CAMK2D: variants seen among roughly 807,000 people sequenced by gnomAD.
CAMK2D encodes calcium/calmodulin-dependent protein kinase type II subunit delta.
In CAMK2D, 37 loss-of-function variants were observed where a neutral mutation model predicts 84.0. The observed-to-expected ratio is 0.44, with a 90% CI of 0.34 to 0.58. The LOEUF is 0.58. CAMK2D is among the 20% of genes least tolerant of loss of function. The pLI is 0.02. For synonymous variants in CAMK2D, 202 were observed against 212.5 expected, an observed-to-expected ratio of 0.95 and a Z score of 0.43; for missense variants, 448 against 652.5, an observed-to-expected ratio of 0.69 and a Z score of 3.41.
intron 2 of CAMK2D, among the ~76,000 whole-genome samples, chr4:113,667,127 T>C (rs1208849638): frequency 2.0e-5 from 3 of 152,194 alleles, no homozygotes; most frequent in African/African-American, 4.8e-5. Context: ...GGGAAGATAA[T>C]ACTAAATGTA....
At chr4:113,512,580 T>C (rs909860660) in intron 12 of CAMK2D, among the ~76,000 whole-genome samples, 1 of 152,166 alleles carries the variant, frequency 6.6e-6, no homozygotes, top group Non-Finnish European at 1.5e-5. Context: ...TCTTCCCTTT[T>C]TTTTGTTTTT....
intron 4 of CAMK2D, among the ~76,000 whole-genome samples, chr4:113,603,803 T>TATATATATATATATATATATATA (rs1561291454): frequency 2.0e-5 from 2 of 100,098 alleles, no homozygotes; most frequent in African/African-American, 9.4e-5. Context: ...ATATATATAT[T>TATATATATATATATATATATATA]TAAAACAGTA....
chr4:113,639,807 A>G (rs2099124983), intron 3 of CAMK2D, among the ~76,000 whole-genome samples: 1 of 151,954 alleles, frequency 6.6e-6, no homozygotes, highest in Non-Finnish European at 1.5e-5. Flanking sequence ...CAAAATATAA[A>G]GGACTTTGCA....
At chr4:113,514,136 C>T (rs2098253639) in intron 10 of CAMK2D, among the ~76,000 whole-genome samples, 2 of 152,148 alleles carry the variant, frequency 1.3e-5, no homozygotes, top group Admixed American at 6.5e-5. Context: ...AGAAATGGGC[C>T]GGGCGCGGTG....
chr4:113,469,897 T>C (rs2154116753), intron 16 of CAMK2D, among the ~76,000 whole-genome samples: 1 of 152,314 alleles, frequency 6.6e-6, no homozygotes, highest in Admixed American at 6.5e-5. Context: ...CCACTCTCTC[T>C]GGGTATAAGC....
chr4:113,532,370 G>A (rs896784142), intron 7 of CAMK2D, among the ~76,000 whole-genome samples: 8 of 152,140 alleles, frequency 5.3e-5, no homozygotes, highest in Non-Finnish European at 1.0e-4. Flanking sequence ...AGACCTGTAT[G>A]TTGCAATTTA....
intron 4 of CAMK2D, 67 bp from the exon 5 acceptor site, chr4:113,552,163 C>T: frequency 1.2e-6 from 1 of 831,458 alleles, no homozygotes. Flanking sequence ...AATAGATTTG[C>T]AAATGTGTTC....
chr4:113,591,124 C>T (rs1162644847), intron 4 of CAMK2D, among the ~76,000 whole-genome samples: 1 of 151,730 alleles, frequency 6.6e-6, no homozygotes, highest in Non-Finnish European at 1.5e-5. Flanking sequence ...TTCCTGGGAC[C>T]TATTGCCATT....
intron 13 of CAMK2D, among the ~76,000 whole-genome samples, chr4:113,507,251 C>CTT (rs35488611): frequency 6.9e-6 from 1 of 145,480 alleles, no homozygotes; most frequent in Non-Finnish European, 1.5e-5. Flanking sequence ...CCACAAATGT[C>CTT]TTTTTTTTTT....
intron 8 of CAMK2D, among the ~76,000 whole-genome samples, chr4:113,518,121 G>A (rs921756958): frequency 6.6e-6 from 1 of 152,116 alleles, no homozygotes; most frequent in Non-Finnish European, 1.5e-5. Flanking sequence ...ATAAATCCAC[G>A]TTCTAAATAA....
At chr4:113,473,089 T>C (rs1415218921) in intron 16 of CAMK2D, among the ~76,000 whole-genome samples, 1 of 152,216 alleles carries the variant, frequency 6.6e-6, no homozygotes, top group African/African-American at 2.4e-5. Context: ...TATTTTGAAA[T>C]CATAAACTTA....
At chr4:113,656,937 G>A (rs999203825) in intron 3 of CAMK2D, among the ~76,000 whole-genome samples, 13 of 152,054 alleles carry the variant, frequency 8.5e-5, no homozygotes, top group Non-Finnish European at 1.9e-4. Flanking sequence ...AGAATCCTAC[G>A]AAGTGATTTC....
intron 2 of CAMK2D, among the ~76,000 whole-genome samples, chr4:113,733,780 C>A (rs375164388): frequency 7.9e-5 from 12 of 152,238 alleles, no homozygotes; most frequent in African/African-American, 2.9e-4. Context: ...ACATAAATGG[C>A]AGTTTCTTCA....
chr4:113,513,714 GA>G (rs1410972567), intron 11 of CAMK2D, 115 bp downstream of exon 11: 1 of 615,322 alleles, frequency 1.6e-6, no homozygotes, highest in East Asian at 2.8e-5. Flanking sequence ...AAAGAATAAT[GA>G]GAGTATTGAG....
intron 2 of CAMK2D, among the ~76,000 whole-genome samples, chr4:113,752,831 T>G (rs746861403): frequency 1.3e-5 from 2 of 152,146 alleles, no homozygotes; most frequent in African/African-American, 2.4e-5. Flanking sequence ...GATCTTGTTA[T>G]AGTAGCATTT....
At chr4:113,565,464 C>T (rs1309855148) in intron 4 of CAMK2D, among the ~76,000 whole-genome samples, 2 of 151,826 alleles carry the variant, frequency 1.3e-5, no homozygotes, top group Non-Finnish European at 2.9e-5. Flanking sequence ...CAGCCTGGCC[C>T]ACATGGTGAA....
intron 3 of CAMK2D, among the ~76,000 whole-genome samples, chr4:113,633,231 T>C (rs932384807): frequency 6.6e-6 from 1 of 152,240 alleles, no homozygotes; most frequent in Non-Finnish European, 1.5e-5. Context: ...TATCTATCTC[T>C]GCCATTTTTA....
At chr4:113,617,960 A>C (rs868492222) in intron 3 of CAMK2D, among the ~76,000 whole-genome samples, 1 of 151,952 alleles carries the variant, frequency 6.6e-6, no homozygotes, top group African/African-American at 2.4e-5. Flanking sequence ...TATATATATA[A>C]AATATACACT....
Position 113,747,721 on chromosome 4 carries a change from T to G in CAMK2D, c.160+11599A>C, listed in dbSNP as rs571893229. On this transcript the variant is annotated intron_variant, in intron 2 of 20. Transcript: ENST00000511664. ...AGGCTCACTAAAACAAAATATGAGG[T>G]AGGTAAGAGGTTAATTATTCCTCTC... is the stretch of plus-strand genomic sequence containing the variant. Among the ~76,000 whole-genome samples the G allele has an allele frequency of 1.3e-3, 202 of 152,304 alleles. 1 individual carries two copies. The highest frequency in any genetic ancestry group is 4.6e-3 in the African/African-American group (192 of 41,590).
Sources: allele counts gnomAD v4.1 joint callset (sites outside exome capture counted in the v4.1 genomes callset), GRCh38; gene constraint gnomAD v4.1.1; transcripts MANE v1.5; gene names NCBI Gene and HGNC (gene_info 2026-07-23, HGNC 2026-07-21).